DPP10: variants seen among roughly 807,000 people sequenced by gnomAD.
DPP10 encodes dipeptidyl peptidase like 10, also known as inactive dipeptidyl peptidase 10.
Under a neutral mutation model 120.9 loss-of-function variants are expected in DPP10, and 33 were observed. The observed-to-expected ratio is 0.27, with a 90% CI of 0.21 to 0.37. The LOEUF (loss-of-function observed/expected upper bound fraction) is 0.37, where lower values mean the gene tolerates loss of function less well. Among genes scored for constraint, DPP10 ranks in the 10% least tolerant of loss-of-function variants. The pLI, the probability that DPP10 is intolerant of heterozygous loss-of-function variation, is 1.00. For missense variants in DPP10, 816 were observed against 942.8 expected, an observed-to-expected ratio of 0.87 and a Z score of 1.76; for synonymous variants, 337 against 326.1, an observed-to-expected ratio of 1.03 and a Z score of -0.36.
intron 19 of DPP10, among the ~76,000 whole-genome samples, chr2:115,799,192 T>C (rs564481784): frequency 3.0e-4 from 46 of 152,224 alleles, no homozygotes; most frequent in African/African-American, 1.1e-3. Context: ...TGCGCCACTA[T>C]GACAGTGCAT....
chr2:115,696,988 T>C (rs1446326188), intron 7 of DPP10, among the ~76,000 whole-genome samples: 1 of 152,150 alleles, frequency 6.6e-6, no homozygotes, highest in East Asian at 1.9e-4. Flanking sequence ...TTGAATGTTA[T>C]TGAGGTTAAG....
In DPP10 at chr2:115,622,510, CT is replaced by C. The variant is rs70941082; in HGVS notation, c.442-67155del. ...GTTTTTCAGTGTTTCATTTTATTGT[CT>C]TTTTTTTTTTTTTTTTTTTTTAACG... On this transcript the variant is annotated intron_variant, in intron 5 of 25. Coordinates refer to ENST00000410059, the MANE Select transcript of DPP10 (RefSeq NM_020868.6). Among the ~76,000 whole-genome samples the C allele has an allele frequency of 8.9e-3, 1,048 of 117,358 alleles. 23 individuals carry two copies. The highest frequency in any genetic ancestry group is 0.029 in the African/African-American group (866 of 29,686). 77.0% of individuals were successfully genotyped at this position (117,358 alleles called of 152,430 possible).
At chr2:114,704,800 G>A (rs953751972) in intron 1 of DPP10, among the ~76,000 whole-genome samples, 3 of 152,128 alleles carry the variant, frequency 2.0e-5, no homozygotes, top group African/African-American at 7.2e-5. Flanking sequence ...TCTAACCTCT[G>A]ATATGATTGA....
At chr2:115,696,162 T>C (rs1203525797) in intron 7 of DPP10, among the ~76,000 whole-genome samples, 2 of 151,946 alleles carry the variant, frequency 1.3e-5, no homozygotes, top group African/African-American at 4.8e-5. Context: ...ATGTTAGAAG[T>C]AGAAGAGGGA....
At chr2:115,197,077 A>G (rs1573975030) in intron 1 of DPP10, among the ~76,000 whole-genome samples, 3 of 152,296 alleles carry the variant, frequency 2.0e-5, no homozygotes, top group South Asian at 2.1e-4. Flanking sequence ...TATTGAGGAA[A>G]GGAGTCTGGG....
intron 1 of DPP10, among the ~76,000 whole-genome samples, chr2:114,775,643 C>A (rs1343393922): frequency 6.6e-6 from 1 of 152,164 alleles, no homozygotes; most frequent in Non-Finnish European, 1.5e-5. Context: ...GCAATGTTAG[C>A]ATGAACTCTT....
chr2:114,945,011 G>A (rs926268076), intron 1 of DPP10, among the ~76,000 whole-genome samples: 1 of 152,146 alleles, frequency 6.6e-6, no homozygotes, highest in Non-Finnish European at 1.5e-5. Flanking sequence ...TTCAACAAAT[G>A]ATATTGGAGA....
chr2:115,157,479 C>T (rs924672080), intron 1 of DPP10, among the ~76,000 whole-genome samples: 2 of 152,134 alleles, frequency 1.3e-5, no homozygotes, highest in Non-Finnish European at 2.9e-5. Context: ...AAACTCAAAA[C>T]AGAATGAATA....
At chr2:114,635,552 A>T (rs1695243909) in intron 1 of DPP10, among the ~76,000 whole-genome samples, 1 of 151,940 alleles carries the variant, frequency 6.6e-6, no homozygotes, top group Non-Finnish European at 1.5e-5. Flanking sequence ...GACAAAGATT[A>T]TTCAATCGTT....
intron 5 of DPP10, among the ~76,000 whole-genome samples, chr2:115,611,214 T>C (rs1211076292): frequency 6.6e-6 from 1 of 152,196 alleles, no homozygotes; most frequent in Non-Finnish European, 1.5e-5. Context: ...GAAAATAGAT[T>C]ATTTTCAAAT....
chr2:115,645,695 C>A (rs1177060442), intron 5 of DPP10, among the ~76,000 whole-genome samples: 1 of 152,050 alleles, frequency 6.6e-6, no homozygotes, highest in Admixed American at 6.6e-5. Flanking sequence ...AGAAAGTAAA[C>A]AAAACCATTA....
chr2:115,476,281 G>C (rs1202375482), intron 3 of DPP10, among the ~76,000 whole-genome samples: 4 of 152,096 alleles, frequency 2.6e-5, no homozygotes, highest in Non-Finnish European at 5.9e-5. Flanking sequence ...TTAAAAGCGT[G>C]TGGTACCTCT....
chr2:114,471,888 T>A (rs1410977234), intron 1 of DPP10, among the ~76,000 whole-genome samples: 4 of 152,166 alleles, frequency 2.6e-5, no homozygotes, highest in Non-Finnish European at 5.9e-5. Context: ...AGGCTAGAAA[T>A]CCGGTTAGAA....
At chr2:115,797,102 T>C (rs1684624141) in intron 19 of DPP10, among the ~76,000 whole-genome samples, 1 of 152,090 alleles carries the variant, frequency 6.6e-6, no homozygotes, top group Non-Finnish European at 1.5e-5. Context: ...TATAATAGTT[T>C]CTGGAATATA....
chr2:115,483,502 T>A (rs1389298714), intron 3 of DPP10, among the ~76,000 whole-genome samples: 2 of 152,094 alleles, frequency 1.3e-5, no homozygotes, highest in Admixed American at 1.3e-4. Flanking sequence ...TGTGTGCATT[T>A]GTGTCTGTGT....
intron 1 of DPP10, among the ~76,000 whole-genome samples, chr2:115,072,274 T>C (rs183707882): frequency 6.6e-6 from 1 of 152,278 alleles, no homozygotes; most frequent in African/African-American, 2.4e-5. Flanking sequence ...AAAATAGCTA[T>C]AGGGAACAGT....
chr2:114,814,878 A>G (rs1003238299), intron 1 of DPP10, among the ~76,000 whole-genome samples: 19 of 152,150 alleles, frequency 1.2e-4, no homozygotes, highest in African/African-American at 4.6e-4. Flanking sequence ...GCTGAAGATT[A>G]AGGTAGAACC....
chr2:115,096,624 A>G (rs2048411913), intron 1 of DPP10, among the ~76,000 whole-genome samples: 2 of 152,162 alleles, frequency 1.3e-5, no homozygotes, highest in South Asian at 4.1e-4. Flanking sequence ...AACCCCTCAT[A>G]ATTTGAACAT....
intron 1 of DPP10, among the ~76,000 whole-genome samples, chr2:114,967,729 T>A (rs944854313): frequency 6.6e-6 from 1 of 152,184 alleles, no homozygotes; most frequent in Admixed American, 6.5e-5. Flanking sequence ...GGTCATTCCG[T>A]CTGCTAAAAA....
Sources: allele counts gnomAD v4.1 joint callset (sites outside exome capture counted in the v4.1 genomes callset), GRCh38; gene constraint gnomAD v4.1.1; transcripts MANE v1.5; gene names NCBI Gene and HGNC (gene_info 2026-07-23, HGNC 2026-07-21).